Variants in PAM observed in about 807,000 individuals in gnomAD.
PAM encodes peptidylglycine alpha-amidating monooxygenase, also known as peptidyl-glycine alpha-amidating monooxygenase.
PAM carries 72 observed loss-of-function variants against 122.1 expected under a neutral mutation model. The ratio of observed to expected loss-of-function variants is 0.59; its 90% confidence interval spans 0.49 to 0.72. The LOEUF (loss-of-function observed/expected upper bound fraction) is 0.72. PAM is among the 30% of genes least tolerant of loss of function. The pLI is 0.00. For missense variants in PAM, 1,106 were observed against 1,183.7 expected, an observed-to-expected ratio of 0.93 and a Z score of 0.96; for synonymous variants, 389 against 404.4, an observed-to-expected ratio of 0.96 and a Z score of 0.46.
intron 25 of PAM, 98 bp from the exon 26 acceptor site, chr5:103,028,789 C>A: frequency 1.3e-6 from 1 of 762,964 alleles, no homozygotes; most frequent in Non-Finnish European, 2.2e-6. Flanking sequence ...TCTCCCCTTT[C>A]CCATCCCCAC....
intron 1 of PAM, among the ~76,000 whole-genome samples, chr5:102,775,181 T>C (rs1332176883): frequency 6.6e-6 from 1 of 152,104 alleles, no homozygotes; most frequent in African/African-American, 2.4e-5. Context: ...CTTTAGATAA[T>C]TTGGTTAAAT....
At chr5:102,888,010 C>T (rs4397105) in intron 3 of PAM, among the ~76,000 whole-genome samples, 6,860 of 151,984 alleles carry the variant, frequency 0.045, 331 homozygotes, top group East Asian at 0.18. Context: ...TTCAGGGTAA[C>T]CTTCACAAAT....
At chr5:102,869,328 T>C (rs922619546) in intron 3 of PAM, among the ~76,000 whole-genome samples, 1 of 152,212 alleles carries the variant, frequency 6.6e-6, no homozygotes, top group Non-Finnish European at 1.5e-5. Context: ...GCTGAATTCA[T>C]GAGGGAGCCA....
intron 22 of PAM, among the ~76,000 whole-genome samples, chr5:103,019,192 A>G (rs543482047): frequency 3.0e-4 from 45 of 152,344 alleles, no homozygotes; most frequent in African/African-American, 1.1e-3. Flanking sequence ...AGATCTACAG[A>G]AAGAAGAGGA....
chr5:103,010,664 C>T lies in PAM; in HGVS notation c.2331+798C>T, dbSNP rs767369815. On this transcript the variant is annotated intron_variant, in intron 21 of 25. Coordinates refer to ENST00000438793, the MANE Select transcript of PAM (RefSeq NM_001177306.2). The stretch of plus-strand genomic sequence containing the variant: ...ATCAAAATACAACTATCATCAGCTA[C>T]TGAACCAAGTTTATATCTTGACACT... 3.9e-5 allele frequency among the ~76,000 whole-genome samples: 6 copies of T among 152,284 alleles called. No individual in the cohort carries two copies. The East Asian group carries it at 7.7e-4, about 20-fold the overall frequency.
intron 1 of PAM, among the ~76,000 whole-genome samples, chr5:102,840,335 CATT>C (rs1778244769): frequency 1.3e-5 from 2 of 151,996 alleles, no homozygotes; most frequent in Admixed American, 1.3e-4. Flanking sequence ...AGAGAATAAT[CATT>C]ATGATTATTT....
At chr5:102,866,426 G>GA (rs1433125787) in intron 2 of PAM, 142 bp downstream of exon 2, 1 of 646,128 alleles carries the variant, frequency 1.5e-6, no homozygotes, top group African/African-American at 1.8e-5. Flanking sequence ...AACTTCTTGT[G>GA]AAGTCCCCCG....
intron 7 of PAM, among the ~76,000 whole-genome samples, chr5:102,931,287 T>A (rs1263854179): frequency 6.6e-6 from 1 of 152,220 alleles, no homozygotes; most frequent in Non-Finnish European, 1.5e-5. Flanking sequence ...AGTTTCCTAG[T>A]TAAGCTGTGT....
intron 2 of PAM, chr5:102,866,508 C>G (rs564049205): frequency 5.4e-6 from 3 of 551,446 alleles, no homozygotes; most frequent in Non-Finnish European, 9.8e-6. Flanking sequence ...GTTGTGATTT[C>G]CAAAACTAAT....
Position 103,029,614 on chromosome 5 carries a change from T to G in PAM, c.*549T>G, listed in dbSNP as rs1244213206. ...AATTCTTTTTTAAATTTTCTTCAGT[T>G]GGTGTGTTTTTGGGATGTCTTATTT... On this transcript the variant is annotated 3_prime_UTR_variant, in exon 26 of 26. Coordinates refer to ENST00000438793, the MANE Select transcript of PAM (RefSeq NM_001177306.2). 1 of 152,632 alleles carries G rather than the reference T, an allele frequency of 6.6e-6. No homozygotes were observed. The highest frequency in any genetic ancestry group is 1.5e-5 in the Non-Finnish European group (1 of 68,018). The allele number at this position is 152,632 out of a possible 1,614,324, so 9.5% of individuals were successfully genotyped here.
At chr5:102,999,784 C>G (rs866823457) in intron 16 of PAM, among the ~76,000 whole-genome samples, 1 of 152,164 alleles carries the variant, frequency 6.6e-6, no homozygotes, top group Non-Finnish European at 1.5e-5. Flanking sequence ...TAGCCAAGTC[C>G]TAGGACACAA....
At chr5:102,838,770 A>G (rs1777764100) in intron 1 of PAM, among the ~76,000 whole-genome samples, 1 of 152,212 alleles carries the variant, frequency 6.6e-6, no homozygotes, top group African/African-American at 2.4e-5. Flanking sequence ...TTAATGACAC[A>G]TATATCATGA....
chr5:102,865,123 T>G (rs2150935921), intron 1 of PAM: 1 of 148,558 alleles, frequency 6.7e-6, no homozygotes, highest in Non-Finnish European at 1.5e-5. Context: ...GCATGCCTTA[T>G]GAGTACAAAA....
chr5:102,864,111 G>A (rs1024306912), intron 1 of PAM, among the ~76,000 whole-genome samples: 1 of 149,526 alleles, frequency 6.7e-6, no homozygotes, highest in African/African-American at 2.4e-5. Context: ...CTGGAAGAGG[G>A]ACTGTCCTTG....
intron 1 of PAM, among the ~76,000 whole-genome samples, chr5:102,864,321 A>G (rs940922758): frequency 4.6e-5 from 7 of 151,932 alleles, no homozygotes; most frequent in Middle Eastern, 3.4e-3. Flanking sequence ...TCTTTCCTTT[A>G]CCCACAGGAT....
At chr5:102,992,980 G>T (rs919641914) in intron 16 of PAM, among the ~76,000 whole-genome samples, 1 of 151,948 alleles carries the variant, frequency 6.6e-6, no homozygotes, top group Non-Finnish European at 1.5e-5. Flanking sequence ...TAATATCATT[G>T]CATCAGCTGT....
chr5:103,028,262 C>G (rs1384104950), intron 25 of PAM, 24 bp downstream of exon 25: 1 of 1,530,344 alleles, frequency 6.5e-7, no homozygotes, highest in South Asian at 1.1e-5. Flanking sequence ...CTTTTAGAAC[C>G]CTTCATGTTT....
chr5:102,957,837 GT>G (rs1275450386), intron 12 of PAM, among the ~76,000 whole-genome samples: 2 of 152,074 alleles, frequency 1.3e-5, no homozygotes, highest in African/African-American at 4.8e-5. Flanking sequence ...AGGCCATATG[GT>G]AAGTTTTTCT....
At chr5:102,771,520 T>A (rs1429317073) in intron 1 of PAM, among the ~76,000 whole-genome samples, 1 of 152,146 alleles carries the variant, frequency 6.6e-6, no homozygotes, top group Non-Finnish European at 1.5e-5. Context: ...AAGCAGTTTT[T>A]CATCTGTACA....
Sources: gnomAD v4.1 joint callset for allele counts (sites outside exome capture counted in the v4.1 genomes callset) on GRCh38, gnomAD v4.1.1 for gene constraint, MANE v1.5 for transcripts, NCBI Gene and HGNC (gene_info 2026-07-23, HGNC 2026-07-21) for gene names.